Variants in RYR1 observed in about 807,000 individuals in gnomAD.
RYR1 encodes the protein ryanodine receptor 1.
RYR1 carries 342 observed loss-of-function variants against 583.5 expected under a neutral mutation model. The ratio of observed to expected loss-of-function variants is 0.59; its 90% confidence interval spans 0.54 to 0.64. The LOEUF is 0.64. RYR1 is among the 30% of genes least tolerant of loss of function. The pLI is 0.00. For missense variants in RYR1, 6,032 were observed against 6,917.2 expected, an observed-to-expected ratio of 0.87 and a Z score of 4.54; for synonymous variants, 2,791 against 2,822.5, an observed-to-expected ratio of 0.99 and a Z score of 0.35.
At chr19:38,542,719 C>T (rs1042345692) in intron 84 of RYR1, among the ~76,000 whole-genome samples, 27 of 152,132 alleles carry the variant, frequency 1.8e-4, no homozygotes, top group African/African-American at 6.0e-4. Context: ...CGGGATTTCA[C>T]CATGTTGGCC....
intron 89 of RYR1, among the ~76,000 whole-genome samples, chr19:38,556,415 A>G (rs1378453737): frequency 6.6e-6 from 1 of 151,884 alleles, no homozygotes; most frequent in Non-Finnish European, 1.5e-5. Context: ...CTTGGAGGTT[A>G]ATGCTGCAGT....
At chr19:38,486,341 CT>C (rs2145546602) in intron 34 of RYR1, 139 bp downstream of exon 34, 1 of 1,121,964 alleles carries the variant, frequency 8.9e-7, no homozygotes, top group East Asian at 2.4e-5. Context: ...ATCCACCTTT[CT>C]TTTTATTATT....
Position 38,486,036 on chromosome 19 carries a change from C to G in RYR1, c.5381C>G (p.Ala1794Gly). ...AALPAAGAAE[A>G]PARLSPAIPL... is the part of the protein sequence containing the mutation. ...CTGCCAGCTGCTGGGGCAGCAGAGG[C>G]CCCGGCCCGCCTCAGCCCTGCCATC... Residue 1794 changes from alanine (A) to glycine (G), a missense_variant, in exon 34 of 106, where the codon GCC becomes GGC. Ala to Gly is a moderately conservative substitution (Grantham distance 60). This residue lies in a region of RYR1 where 2,627 missense variants were observed against 2,961.3 expected (regional missense o/e 0.89). Coordinates refer to ENST00000359596, the MANE Select transcript of RYR1 (RefSeq NM_000540.3). The G allele has an allele frequency of 6.2e-7, 1 of 1,612,768 alleles. No individual in the cohort carries two copies. Among genetic ancestry groups the G allele is most frequent in the Non-Finnish European group, 8.5e-7 (1 of 1,179,622 alleles).
rs587784375 is a variant in RYR1 at position 38,473,699 on chromosome 19, C to CG, written c.4094dup (p.Glu1366ArgfsTer10). ...GGCGCCCCCGGGGGCACCCCGCAGGCGGGGGGAGAGGCGCAGCCCGCCAGG... is the reference window on the plus strand; with the variant it reads ...GGCGCCCCCGGGGGCACCCCGCAGGCGGGGGGGAGAGGCGCAGCCCGCCAGG... On this transcript the variant is annotated frameshift_variant, in exon 28 of 106. Coordinates refer to ENST00000359596, the MANE Select transcript of RYR1 (RefSeq NM_000540.3). LOFTEE classifies it high-confidence loss of function. 2 of 1,545,066 alleles carry CG rather than the reference C, an allele frequency of 1.3e-6. No homozygotes were observed. The highest frequency in any genetic ancestry group is 2.4e-5 in the South Asian group (2 of 83,196).
At chr19:38,442,105 A>G (rs963826473) in intron 2 of RYR1, among the ~76,000 whole-genome samples, 6 of 149,764 alleles carry the variant, frequency 4.0e-5, no homozygotes, top group Non-Finnish European at 8.9e-5. Flanking sequence ...GGAAGTTTCT[A>G]TGGAGTCTGG....
intron 27 of RYR1, among the ~76,000 whole-genome samples, chr19:38,471,884 A>T (rs1968438204): frequency 1.4e-5 from 2 of 143,656 alleles, no homozygotes; most frequent in Non-Finnish European, 1.5e-5. Context: ...CCTGGGTGAC[A>T]GCGAGACTCT....
At position 38,561,567 on chromosome 19, in the gene RYR1, C is replaced by T. The variant is rs1223665327; in HGVS notation, c.12624+113C>T. 4.8e-6 allele frequency: 5 copies of T among 1,052,354 alleles called. No homozygotes were observed. The highest frequency in any genetic ancestry group is 1.6e-5 in the African/African-American group (1 of 63,582). The allele number at this position is 1,052,354 out of a possible 1,614,324, so 65.2% of individuals were successfully genotyped here. On this transcript the variant is annotated intron_variant, in intron 90 of 105. Transcript: ENST00000359596. The surrounding 1 kb of genome is among the most constrained non-coding windows in gnomAD (Gnocchi z 4.8). ...GCTGTGCGTGCCTCGCATATCTGCC[C>T]TGCTCCGGCAAGCCCACGCCCACCC...
rs1333942098 is a variant in RYR1 at position 38,499,924 on chromosome 19, C to T, written c.7231C>T (p.Pro2411Ser). 1 of 1,614,098 alleles carries T rather than the reference C, an allele frequency of 6.2e-7. No homozygotes were observed. The highest frequency in any genetic ancestry group is 8.5e-7 in the Non-Finnish European group (1 of 1,180,000). ...RRREHFGEEP[P>S]EENRVHLGHA... ...TCCCTGCAGCTTTGGTGAGGAACCG[C>T]CTGAAGAAAACCGGGTGCACCTGGG... is the stretch of plus-strand genomic sequence containing the variant. Residue 2411 changes from proline (P) to serine (S), a missense_variant, in exon 45 of 106, where the codon CCT becomes TCT. Coordinates refer to ENST00000359596, the MANE Select transcript of RYR1 (RefSeq NM_000540.3). This position sits in a 1 kb window ranked among gnomAD's most constrained non-coding sequence, Gnocchi z 7.3.
intron 101 of RYR1, among the ~76,000 whole-genome samples, chr19:38,583,722 C>T (rs1974320719): frequency 1.3e-5 from 2 of 152,040 alleles, no homozygotes; most frequent in South Asian, 4.1e-4. Flanking sequence ...TGTGTTTTCT[C>T]CCAATTCAAG....
rs2145336581 is a variant in RYR1 at position 38,443,805 on chromosome 19, G to C, written c.424+9G>C. 6.2e-7 allele frequency: 1 copy of C among 1,614,042 alleles called. No individual in the cohort carries two copies. Among genetic ancestry groups the C allele is most frequent in the Middle Eastern group, 1.7e-4 (1 of 6,056 alleles). On this transcript the variant is annotated intron_variant, in intron 5 of 105. Transcript: ENST00000359596. The stretch of plus-strand genomic sequence containing the variant: ...GCAGGAGGACGCAACAGGTGCAGCA[G>C]CTGGAGGGGATGGGGGTGTGAAGGG...
chr19:38,502,760 G>C, intron 48 of RYR1, 33 bp downstream of exon 48: 1 of 615,848 alleles, frequency 1.6e-6, no homozygotes, highest in Non-Finnish European at 2.5e-6. Flanking sequence ...GTGGGGCAGG[G>C]GCAGGGGCAG....
At chr19:38,526,576 C>T (rs1568539331) in intron 71 of RYR1, among the ~76,000 whole-genome samples, 1 of 151,180 alleles carries the variant, frequency 6.6e-6, no homozygotes, top group African/African-American at 2.4e-5. Context: ...CTGCTGATGC[C>T]CCCTTTGGCC....
intron 89 of RYR1, among the ~76,000 whole-genome samples, chr19:38,560,800 C>T (rs1008111325): frequency 2.7e-5 from 4 of 150,856 alleles, no homozygotes; most frequent in African/African-American, 9.8e-5. Flanking sequence ...GGGAGGATCC[C>T]TTGAGCCCAG....
intron 99 of RYR1, among the ~76,000 whole-genome samples, chr19:38,578,959 A>G (rs1282530306): frequency 2.6e-5 from 4 of 151,960 alleles, no homozygotes; most frequent in African/African-American, 9.7e-5. Flanking sequence ...TGTCTCTACA[A>G]ACAATACAAA....
At chr19:38,492,410 A>C (rs1969591369) in intron 37 of RYR1, 80 bp from the exon 38 acceptor site, 2 of 1,504,578 alleles carry the variant, frequency 1.3e-6, no homozygotes, top group Admixed American at 3.4e-5. Flanking sequence ...GCATGCACAT[A>C]TGCACAAATA....
intron 67 of RYR1, among the ~76,000 whole-genome samples, chr19:38,520,761 A>G (rs183987581): frequency 2.0e-5 from 3 of 147,368 alleles, no homozygotes; most frequent in Admixed American, 6.9e-5. Context: ...GTCGTGTGAC[A>G]TTCTCTGCTG....
intron 89 of RYR1, among the ~76,000 whole-genome samples, chr19:38,555,154 A>C (rs1451117637): frequency 6.6e-6 from 1 of 151,996 alleles, no homozygotes; most frequent in Non-Finnish European, 1.5e-5. Flanking sequence ...GGTATCATAA[A>C]ATATATATGG....
Position 38,496,651 on chromosome 19 carries a change from A to G in RYR1, c.6796+110A>G. 7.2e-7 allele frequency: 1 copy of G among 1,390,990 alleles called. No individual in the cohort carries two copies. The highest frequency in any genetic ancestry group is 1.0e-6 in the Non-Finnish European group (1 of 985,310). 86.2% of individuals were successfully genotyped at this position (1,390,990 alleles called of 1,614,324 possible). A position where few individuals can be genotyped will look rare whatever the true frequency, so the allele number is the denominator to read the frequency against. Reference sequence around the variant, plus strand: ...CTCATTCAACAAACACTCCCTCTCAACTGTGGTTCTGGCCCTGTAATGAGT... The same window carrying G: ...CTCATTCAACAAACACTCCCTCTCAGCTGTGGTTCTGGCCCTGTAATGAGT... On this transcript the variant is annotated intron_variant, in intron 41 of 105. Transcript: ENST00000359596. This position sits in a 1 kb window ranked among gnomAD's most constrained non-coding sequence, Gnocchi z 4.8.
At chr19:38,525,186 T>G (rs1325423481) in intron 70 of RYR1, 146 bp from the exon 71 acceptor site, 11 of 865,868 alleles carry the variant, frequency 1.3e-5, no homozygotes, top group Non-Finnish European at 1.9e-5. Context: ...TCAGCAAGTC[T>G]GGGGTGGAAA....
Sources: gnomAD v4.1 joint callset for allele counts (sites outside exome capture counted in the v4.1 genomes callset) on GRCh38, gnomAD v4.1.1 for gene constraint, gnomAD v4.1.1 regional missense constraint, Gnocchi (gnomAD v3.1) non-coding constraint, MANE v1.5 for transcripts, NCBI Gene and HGNC (gene_info 2026-07-23, HGNC 2026-07-21) for gene names.